Variants in OPCML observed in about 807,000 individuals in gnomAD.
OPCML encodes opioid binding protein/cell adhesion molecule like.
A neutral mutation model predicts 37.8 loss-of-function variants in OPCML; 13 were observed. The ratio of observed to expected loss-of-function variants is 0.34; its 90% CI spans 0.22 to 0.55. OPCML has a LOEUF of 0.55. OPCML is among the 20% of genes least tolerant of loss of function. The probability of loss-of-function intolerance (pLI) is 0.91; values close to 1 mark genes in which losing one functional copy is unlikely to be tolerated. For synonymous variants in OPCML, 176 were observed against 168.8 expected, an observed-to-expected ratio of 1.04 and a Z score of -0.33; for missense variants, 341 against 435.6, an observed-to-expected ratio of 0.78 and a Z score of 1.93.
chr11:133,458,619 A>G (rs1363895590), intron 1 of OPCML, among the ~76,000 whole-genome samples: 1 of 129,140 alleles, frequency 7.7e-6, no homozygotes, highest in South Asian at 2.2e-4. Flanking sequence ...ATACACATAT[A>G]TACACGTGTG....
intron 2 of OPCML, among the ~76,000 whole-genome samples, chr11:132,788,876 GATTAAACCTCATGGCAGCTTCCC>G (rs368394732): frequency 2.3e-3 from 350 of 152,298 alleles, no homozygotes; most frequent in African/African-American, 8.0e-3. Context: ...TTGCTCCCTG[GATTAAACCTCATGGCAGCTTCCC>G]ATTGCTTTTA....
chr11:132,711,725 A>G (rs571658140), intron 2 of OPCML, among the ~76,000 whole-genome samples: 115 of 152,308 alleles, frequency 7.6e-4, no homozygotes, highest in African/African-American at 2.7e-3. Flanking sequence ...TGTGTGGTAT[A>G]CATATGGAAA....
Position 133,371,661 on chromosome 11 carries a change from T to C in OPCML, c.61+160603A>G, listed in dbSNP as rs553975198. ...GCTTCCCCTTTGTCTTCTGCAATGA[T>C]TGTAAGTTTCCTGAGGCCTCCACAG... On this transcript the variant is annotated intron_variant, in intron 1 of 7. Coordinates refer to ENST00000524381, the MANE Select transcript of OPCML (RefSeq NM_001012393.5). Among the ~76,000 whole-genome samples the C allele has an allele frequency of 3.9e-5, 6 of 152,300 alleles. No individual in the cohort carries two copies. In the East Asian group the frequency reaches 9.7e-4, roughly 25 times the overall value.
chr11:132,804,983 A>T (rs995830510), intron 2 of OPCML, among the ~76,000 whole-genome samples: 5 of 152,252 alleles, frequency 3.3e-5, no homozygotes, highest in African/African-American at 1.2e-4. Context: ...TAAAGCAGCC[A>T]TTATAAATAT....
At chr11:132,647,020 T>G (rs368508412) in intron 3 of OPCML, among the ~76,000 whole-genome samples, 49 of 152,326 alleles carry the variant, frequency 3.2e-4, no homozygotes, top group East Asian at 2.9e-3. Flanking sequence ...TAGACTACAA[T>G]GCCTTAAGCA....
intron 1 of OPCML, among the ~76,000 whole-genome samples, chr11:133,400,788 A>C (rs1945386749): frequency 6.6e-6 from 1 of 152,160 alleles, no homozygotes; most frequent in South Asian, 2.1e-4. Context: ...AGCCTAGCTC[A>C]GGGTACCTGG....
At chr11:132,702,712 C>T (rs1005441920) in intron 2 of OPCML, among the ~76,000 whole-genome samples, 4 of 152,044 alleles carry the variant, frequency 2.6e-5, no homozygotes, top group South Asian at 4.1e-4. Context: ...TTGGCTCACT[C>T]GATGGTGTCC....
chr11:133,341,300 T>C (rs1943864198), intron 1 of OPCML, among the ~76,000 whole-genome samples: 1 of 152,240 alleles, frequency 6.6e-6, no homozygotes, highest in African/African-American at 2.4e-5. Context: ...AACTTCAAAA[T>C]AGGACTTAAT....
At chr11:132,531,758 T>TTG (rs2096325860) in intron 3 of OPCML, among the ~76,000 whole-genome samples, 1 of 146,946 alleles carries the variant, frequency 6.8e-6, no homozygotes, top group Admixed American at 6.7e-5. Flanking sequence ...TTCTACCCGT[T>TTG]TTTTTTTTTT....
chr11:133,295,525 T>G (rs746071287), intron 1 of OPCML, among the ~76,000 whole-genome samples: 21 of 152,180 alleles, frequency 1.4e-4, no homozygotes, highest in Non-Finnish European at 2.9e-5. Flanking sequence ...GCAAAAAGAT[T>G]ACCAAACATC....
rs538036754 is a variant in OPCML, at chr11:132,773,602, G to A, written c.147-116283C>T. ...AATTAACCTTCACATTGGTAAACAC[G>A]CAATGAGCTTTGTATCGAAAACTGT... On this transcript the variant is annotated intron_variant, in intron 2 of 7. Transcript: ENST00000524381. Among the ~76,000 whole-genome samples the A allele has an allele frequency of 5.3e-5, 8 of 152,262 alleles. 1 individual carries two copies. The South Asian group carries it at 1.5e-3, about 28-fold the overall frequency.
intron 1 of OPCML, among the ~76,000 whole-genome samples, chr11:133,310,496 G>A: frequency 6.6e-6 from 1 of 152,122 alleles, no homozygotes; most frequent in East Asian, 1.9e-4. Context: ...ATAAGGTCAG[G>A]TGATATATAT....
chr11:132,440,573 C>T (rs2096029378), intron 4 of OPCML, among the ~76,000 whole-genome samples: 1 of 152,158 alleles, frequency 6.6e-6, no homozygotes, highest in Admixed American at 6.5e-5. Flanking sequence ...CAGGCTGAGA[C>T]CCTTGTGGAG....
chr11:132,470,238 T>C lies in OPCML; in HGVS notation c.506-32879A>G, dbSNP rs2096133696. ...AGGCAGGAAGCACCAGTGGCTAGGATGTTGGCAACAGTACAGGAGAGGGAG... is the reference window on the plus strand; with the variant it reads ...AGGCAGGAAGCACCAGTGGCTAGGACGTTGGCAACAGTACAGGAGAGGGAG... On this transcript the variant is annotated intron_variant, in intron 4 of 7. Transcript: ENST00000524381. 2.6e-5 allele frequency among the ~76,000 whole-genome samples: 4 copies of C among 152,186 alleles called. No homozygotes were observed. The South Asian group carries it at 8.3e-4, about 32-fold the overall frequency.
At chr11:132,628,761 G>T (rs1939900030) in intron 3 of OPCML, among the ~76,000 whole-genome samples, 1 of 152,122 alleles carries the variant, frequency 6.6e-6, no homozygotes, top group African/African-American at 2.4e-5. Context: ...TTGAATGAGG[G>T]GGGGCAGTTA....
chr11:133,204,984 G>C (rs189035687), intron 1 of OPCML, among the ~76,000 whole-genome samples: 54 of 149,774 alleles, frequency 3.6e-4, no homozygotes, highest in African/African-American at 1.2e-3. Context: ...TCTCCAAACT[G>C]ATAGTGTCTT....
chr11:133,077,671 A>G (rs767383717), intron 1 of OPCML, among the ~76,000 whole-genome samples: 4 of 152,216 alleles, frequency 2.6e-5, no homozygotes, highest in Non-Finnish European at 5.9e-5. Context: ...ACTCATTGGG[A>G]GAAGACATTT....
chr11:132,742,062 A>C (rs983012945), intron 2 of OPCML, among the ~76,000 whole-genome samples: 1 of 152,046 alleles, frequency 6.6e-6, no homozygotes, highest in African/African-American at 2.4e-5. Flanking sequence ...AAATAAAAGC[A>C]TTTTCATAAT....
At chr11:133,146,499 G>C (rs1592048125) in intron 1 of OPCML, among the ~76,000 whole-genome samples, 1 of 152,106 alleles carries the variant, frequency 6.6e-6, no homozygotes, top group Admixed American at 6.5e-5. Flanking sequence ...ACTTTTAGTA[G>C]AGGCGGAGTT....
Sources: allele counts gnomAD v4.1 joint callset (sites outside exome capture counted in the v4.1 genomes callset), GRCh38; gene constraint gnomAD v4.1.1; transcripts MANE v1.5; gene names NCBI Gene and HGNC (gene_info 2026-07-23, HGNC 2026-07-21).